The following FGF14 variants were observed in gnomAD, a reference collection of about 807,000 sequenced individuals.
The protein encoded by FGF14 is fibroblast growth factor homologous factor 4.
Under a neutral mutation model 25.5 loss-of-function variants are expected in FGF14, and 5 were observed. The observed-to-expected ratio is 0.20, with a 90% CI of 0.10 to 0.41. The LOEUF is 0.41. Ranked by LOEUF, FGF14 falls within the 10% of genes least tolerant of loss-of-function variation. The pLI is 1.00. For missense variants in FGF14, 222 were observed against 320.1 expected (o/e 0.69, Z 2.34); for synonymous variants, 138 against 118.3 (o/e 1.17, Z -1.08).
In FGF14 at chr13:102,237,585, G is replaced by GAAAA. The variant is rs3066871; in HGVS notation, c.208+163882_208+163885dup. ...ACTGCTTGGGGTTTTTTACACTTCA[G>GAAAA]AAAAAAAAAAAAAAAGAATTACAAA... is the stretch of plus-strand genomic sequence containing the variant. On this transcript the variant is annotated intron_variant, in intron 1 of 4. Transcript: ENST00000376131. Among the ~76,000 whole-genome samples the GAAAA allele has an allele frequency of 4.3e-4, 58 of 135,594 alleles. 2 individuals carry two copies. The highest frequency in any genetic ancestry group is 1.9e-3 in the East Asian group (9 of 4,672). 89.0% of individuals were successfully genotyped at this position (135,594 alleles called of 152,430 possible).
intron 1 of FGF14, among the ~76,000 whole-genome samples, chr13:102,210,775 A>C (rs376101901): frequency 3.3e-5 from 5 of 152,164 alleles, no homozygotes; most frequent in African/African-American, 1.2e-4. Context: ...TCACATTAAA[A>C]CCACGTAGGA....
At chr13:102,209,198 G>C (rs559563642) in intron 1 of FGF14, among the ~76,000 whole-genome samples, 1 of 152,302 alleles carries the variant, frequency 6.6e-6, no homozygotes, top group African/African-American at 2.4e-5. Context: ...GTTTCCAGTT[G>C]GGTATGAGGT....
intron 1 of FGF14, among the ~76,000 whole-genome samples, chr13:102,212,299 G>C (rs2050194282): frequency 6.6e-6 from 1 of 152,140 alleles, no homozygotes; most frequent in African/African-American, 2.4e-5. Flanking sequence ...TAAGCAAATG[G>C]AAGGAGAGTA....
At chr13:101,930,377 C>A (rs924726507) in intron 1 of FGF14, among the ~76,000 whole-genome samples, 2 of 152,162 alleles carry the variant, frequency 1.3e-5, no homozygotes, top group African/African-American at 4.8e-5. Context: ...TATGGTCATA[C>A]CTTGGCTCCT....
intron 1 of FGF14, among the ~76,000 whole-genome samples, chr13:102,141,311 G>A (rs2046634322): frequency 6.6e-6 from 1 of 152,222 alleles, no homozygotes; most frequent in Non-Finnish European, 1.5e-5. Flanking sequence ...GTGGAGCCAT[G>A]AGTTCAAGAG....
intron 1 of FGF14, among the ~76,000 whole-genome samples, chr13:102,122,297 T>A (rs1311038898): frequency 4.6e-5 from 7 of 152,240 alleles, no homozygotes; most frequent in South Asian, 2.1e-4. Context: ...AATTCTCTTT[T>A]ATTATCCAAA....
intron 1 of FGF14, among the ~76,000 whole-genome samples, chr13:101,884,087 A>T (rs12864705): frequency 7.3e-6 from 1 of 137,358 alleles, no homozygotes; most frequent in African/African-American, 2.7e-5. Context: ...AAAAAAAAAA[A>T]GACAAGGAAA....
chr13:101,971,538 T>C (rs950231334), intron 1 of FGF14, among the ~76,000 whole-genome samples: 14 of 152,108 alleles, frequency 9.2e-5, no homozygotes, highest in Non-Finnish European at 1.9e-4. Context: ...GCCTGGCTAA[T>C]TTTTTGTACT....
chr13:101,965,372 C>T (rs1303525534), intron 1 of FGF14, among the ~76,000 whole-genome samples: 1 of 152,136 alleles, frequency 6.6e-6, no homozygotes, highest in African/African-American at 2.4e-5. Context: ...TGAAGAACTG[C>T]ATGGCAGAAT....
chr13:101,890,692 G>A (rs988922256), intron 1 of FGF14, among the ~76,000 whole-genome samples: 2 of 152,172 alleles, frequency 1.3e-5, no homozygotes, highest in African/African-American at 2.4e-5. Context: ...AAGCAGACAG[G>A]TCAAGGGGTC....
At chr13:101,784,288 C>A (rs78229221) in intron 3 of FGF14, among the ~76,000 whole-genome samples, 2,136 of 152,266 alleles carry the variant, frequency 0.014, 52 homozygotes, top group African/African-American at 0.049. Flanking sequence ...TTCTATTATT[C>A]TTTAATATCC....
rs2034466680 is a variant in FGF14, at chr13:101,711,528, T to G, written c.*11303A>C. On this transcript the variant is annotated 3_prime_UTR_variant, in exon 5 of 5. Coordinates refer to ENST00000376143, the MANE Select transcript of FGF14 (RefSeq NM_004115.4). ...AACAGCTCATTTTTAAACTACTGTA[T>G]ATGAAAGTTTTTGCCTGGAGATACA... The G allele has an allele frequency of 6.6e-6, 1 of 152,272 alleles. No homozygotes were observed. Among genetic ancestry groups the G allele is most frequent in the South Asian group, 2.1e-4 (1 of 4,828 alleles). 9.4% of individuals were successfully genotyped at this position (152,272 alleles called of 1,614,324 possible). A position where few individuals can be genotyped will look rare whatever the true frequency, so the allele number is the denominator to read the frequency against.
chr13:102,235,958 A>G (rs2051309624), intron 1 of FGF14, among the ~76,000 whole-genome samples: 1 of 152,254 alleles, frequency 6.6e-6, no homozygotes, highest in South Asian at 2.1e-4. Flanking sequence ...CAGTAAAAGC[A>G]TTCATAGTTT....
intron 1 of FGF14, chr13:102,263,169 A>G: frequency 6.9e-6 from 4 of 578,962 alleles, no homozygotes; most frequent in South Asian, 4.3e-5. Context: ...AGGAATCCTA[A>G]AAGTCTTTTA....
intron 4 of FGF14, among the ~76,000 whole-genome samples, chr13:101,724,970 A>G (rs1252263578): frequency 6.6e-6 from 1 of 151,990 alleles, no homozygotes. Context: ...TTGTTGTCTC[A>G]GATATTTTCT....
At chr13:101,930,604 T>A (rs1241230245) in intron 1 of FGF14, among the ~76,000 whole-genome samples, 1 of 152,242 alleles carries the variant, frequency 6.6e-6, no homozygotes, top group African/African-American at 2.4e-5. Context: ...CTTGGCTACT[T>A]GGTATGAACA....
intron 3 of FGF14, among the ~76,000 whole-genome samples, chr13:101,777,623 T>C (rs781385662): frequency 4.6e-5 from 7 of 152,162 alleles, no homozygotes; most frequent in Middle Eastern, 3.2e-3. Flanking sequence ...TTCAATTACA[T>C]TAATTATCTG....
chr13:101,947,996 GT>G (rs1352731397), intron 1 of FGF14, among the ~76,000 whole-genome samples: 10 of 152,164 alleles, frequency 6.6e-5, no homozygotes, highest in African/African-American at 2.4e-4. Context: ...AAAGTTTCAT[GT>G]TTTAAAGAAA....
At chr13:101,866,614 A>C (rs2140436956) in intron 3 of FGF14, among the ~76,000 whole-genome samples, 1 of 152,286 alleles carries the variant, frequency 6.6e-6, no homozygotes, top group Non-Finnish European at 1.5e-5. Context: ...TTATAGGATA[A>C]TAATTGCTAT....
Sources: gnomAD v4.1 joint callset for allele counts (sites outside exome capture counted in the v4.1 genomes callset) on GRCh38, gnomAD v4.1.1 for gene constraint, MANE v1.5 for transcripts, NCBI Gene and HGNC (gene_info 2026-07-23, HGNC 2026-07-21) for gene names.